The following MMP16 variants were observed in gnomAD, a reference collection of about 807,000 sequenced individuals.
MMP16 encodes the protein matrix metallopeptidase 16.
MMP16 carries 12 observed loss-of-function variants against 67.8 expected under a neutral mutation model. The observed-to-expected ratio is 0.18, with a 90% CI of 0.11 to 0.29. The LOEUF (loss-of-function observed/expected upper bound fraction) is 0.29. MMP16 is among the 10% of genes least tolerant of loss of function. The probability of loss-of-function intolerance (pLI) is 1.00; values close to 1 mark genes in which losing one functional copy is unlikely to be tolerated. For missense variants in MMP16, 475 were observed against 765.7 expected, an observed-to-expected ratio of 0.62 and a Z score of 4.48; for synonymous variants, 249 against 255.9, an observed-to-expected ratio of 0.97 and a Z score of 0.26.
intron 4 of MMP16, among the ~76,000 whole-genome samples, chr8:88,163,714 T>C (rs925177805): frequency 1.3e-5 from 2 of 152,090 alleles, no homozygotes; most frequent in African/African-American, 4.8e-5. Flanking sequence ...AAGGAAATAA[T>C]GTCCTATTGT....
chr8:88,075,534 C>A (rs1808632832), intron 6 of MMP16, among the ~76,000 whole-genome samples: 1 of 151,922 alleles, frequency 6.6e-6, no homozygotes, highest in Admixed American at 6.6e-5. Flanking sequence ...GGCAAAAAAA[C>A]CCAAAAACAA....
chr8:88,067,902 A>G (rs1291326871), intron 7 of MMP16, among the ~76,000 whole-genome samples: 1 of 152,166 alleles, frequency 6.6e-6, no homozygotes, highest in African/African-American at 2.4e-5. Context: ...TTGATTACAC[A>G]TAAGTTTTCA....
At chr8:88,197,345 C>T (rs1172051106) in intron 1 of MMP16, 39 bp from the exon 2 acceptor site, 5 of 1,488,712 alleles carry the variant, frequency 3.4e-6, no homozygotes, top group South Asian at 2.8e-5. Flanking sequence ...ATCAATTTTA[C>T]AATTTAACAA....
intron 1 of MMP16, among the ~76,000 whole-genome samples, chr8:88,306,073 A>G (rs1424685100): frequency 6.6e-6 from 1 of 152,054 alleles, no homozygotes; most frequent in East Asian, 1.9e-4. Context: ...GAGAAGAATC[A>G]AATAAACAGA....
At chr8:88,275,994 T>A (rs905436629) in intron 1 of MMP16, among the ~76,000 whole-genome samples, 2 of 152,086 alleles carry the variant, frequency 1.3e-5, no homozygotes, top group Admixed American at 6.6e-5. Context: ...GTCAAAGATA[T>A]TCCTGTCTTC....
intron 1 of MMP16, among the ~76,000 whole-genome samples, chr8:88,295,340 C>T (rs1437830310): frequency 6.6e-6 from 1 of 152,078 alleles, no homozygotes; most frequent in Non-Finnish European, 1.5e-5. Context: ...AATGTAGGTG[C>T]CCTAAACACT....
At chr8:88,070,656 T>A (rs913547226) in intron 7 of MMP16, among the ~76,000 whole-genome samples, 2 of 152,068 alleles carry the variant, frequency 1.3e-5, no homozygotes, top group Non-Finnish European at 2.9e-5. Flanking sequence ...GCTCTGTATC[T>A]TCAACTGAGA....
chr8:88,041,357 G>T lies in MMP16; in HGVS notation c.*104C>A. ...TGAAAGGTCAGCCCCGAATCAGGCT[G>T]CCACAAGCCTGCTCCTAGCTAGGAA... On this transcript the variant is annotated 3_prime_UTR_variant, in exon 10 of 10. Coordinates refer to ENST00000286614, the MANE Select transcript of MMP16 (RefSeq NM_005941.5). The surrounding 1 kb of genome is among the most constrained non-coding windows in gnomAD (Gnocchi z 6.0). The T allele has an allele frequency of 8.3e-7, 1 of 1,207,864 alleles. No homozygotes were observed. The highest frequency in any genetic ancestry group is 1.2e-6 in the Non-Finnish European group (1 of 851,260). The allele number at this position is 1,207,864 out of a possible 1,614,324, so 74.8% of individuals were successfully genotyped here. A position where few individuals can be genotyped will look rare whatever the true frequency, so the allele number is the denominator to read the frequency against.
rs1174656791 is a variant in MMP16, at chr8:88,100,237, C to A, written c.1083+16270G>T. ...ATAGCTTTAGGTCTAACATTTAAGT[C>A]TTTAATATCCAGAATCTACAAAGAA... On this transcript the variant is annotated intron_variant, in intron 6 of 9. Transcript: ENST00000286614. Among the ~76,000 whole-genome samples the A allele has an allele frequency of 2.0e-5, 3 of 151,616 alleles. No individual in the cohort carries two copies. The East Asian group carries it at 5.9e-4, about 30-fold the overall frequency.
chr8:88,231,823 T>A (rs947581178), intron 1 of MMP16, among the ~76,000 whole-genome samples: 9 of 152,284 alleles, frequency 5.9e-5, no homozygotes, highest in Admixed American at 2.6e-4. Context: ...GACCATTTTT[T>A]AAAAAAGTTT....
intron 1 of MMP16, among the ~76,000 whole-genome samples, chr8:88,250,649 C>T (rs946805745): frequency 2.6e-4 from 40 of 151,904 alleles, no homozygotes; most frequent in Non-Finnish European, 1.9e-4. Context: ...AACATTTCAT[C>T]TCTTAAAATT....
intron 1 of MMP16, among the ~76,000 whole-genome samples, chr8:88,219,452 C>T (rs1232902810): frequency 6.6e-6 from 1 of 152,026 alleles, no homozygotes; most frequent in Admixed American, 6.6e-5. Flanking sequence ...AAATGTTACA[C>T]TATGCAGGTT....
chr8:88,157,412 T>G (rs1247182107), intron 4 of MMP16, among the ~76,000 whole-genome samples: 1 of 151,906 alleles, frequency 6.6e-6, no homozygotes, highest in Non-Finnish European at 1.5e-5. Flanking sequence ...TGCATCTCGG[T>G]GTCTGCAGGG....
intron 7 of MMP16, among the ~76,000 whole-genome samples, chr8:88,064,439 TC>T (rs1366251503): frequency 6.6e-6 from 1 of 152,076 alleles, no homozygotes; most frequent in Non-Finnish European, 1.5e-5. Flanking sequence ...AGCTTTGAAG[TC>T]AGAACTAGGG....
chr8:88,269,715 G>A (rs931905163), intron 1 of MMP16, among the ~76,000 whole-genome samples: 1 of 152,092 alleles, frequency 6.6e-6, no homozygotes, highest in Non-Finnish European at 1.5e-5. Flanking sequence ...CCTAGATCCT[G>A]ATCCAGCTCT....
At chr8:88,087,505 G>A (rs1351723072) in intron 6 of MMP16, among the ~76,000 whole-genome samples, 1 of 151,912 alleles carries the variant, frequency 6.6e-6, no homozygotes, top group Non-Finnish European at 1.5e-5. Context: ...AAGAGGGAAA[G>A]GGTTGAGCTA....
intron 1 of MMP16, among the ~76,000 whole-genome samples, chr8:88,311,939 T>C (rs1426939596): frequency 2.0e-5 from 3 of 152,086 alleles, no homozygotes; most frequent in African/African-American, 7.2e-5. Flanking sequence ...ACTTAAGATA[T>C]ACATTAGAGG....
intron 8 of MMP16, among the ~76,000 whole-genome samples, chr8:88,054,140 AAG>A (rs1808302869): frequency 6.6e-6 from 1 of 152,144 alleles, no homozygotes; most frequent in East Asian, 1.9e-4. Flanking sequence ...TTGTGGGAAA[AAG>A]AGCTATCTGA....
chr8:88,294,698 G>T (rs1259884479), intron 1 of MMP16, among the ~76,000 whole-genome samples: 2 of 151,966 alleles, frequency 1.3e-5, no homozygotes, highest in African/African-American at 4.8e-5. Flanking sequence ...TGGAATATTA[G>T]AATTGATTTA....
Sources: allele counts gnomAD v4.1 joint callset (sites outside exome capture counted in the v4.1 genomes callset), GRCh38; gene constraint gnomAD v4.1.1; non-coding constraint Gnocchi (gnomAD v3.1); transcripts MANE v1.5; gene names NCBI Gene and HGNC (gene_info 2026-07-23, HGNC 2026-07-21).